Variants in CNTNAP5 observed in about 807,000 individuals in gnomAD.
CNTNAP5 encodes the protein contactin associated protein family member 5, also known as contactin-associated protein-like 5.
CNTNAP5 carries 72 observed loss-of-function variants against 150.2 expected under a neutral mutation model. The observed-to-expected ratio is 0.48, with a 90% CI of 0.40 to 0.58. The LOEUF is 0.58. Ranked by LOEUF, CNTNAP5 falls within the 20% of genes least tolerant of loss-of-function variation. The pLI, the probability that CNTNAP5 is intolerant of heterozygous loss-of-function variation, is 0.00. For missense variants in CNTNAP5, 1,636 were observed against 1,626.2 expected (o/e 1.01, Z -0.10); for synonymous variants, 672 against 619.8 (o/e 1.08, Z -1.25).
intron 12 of CNTNAP5, among the ~76,000 whole-genome samples, chr2:124,635,921 AG>A (rs1677960642): frequency 6.6e-6 from 1 of 152,226 alleles, no homozygotes; most frequent in Non-Finnish European, 1.5e-5. Flanking sequence ...TGTAAAGAGA[AG>A]CAAGTAGGAG....
chr2:124,529,386 A>C (rs1462126138), intron 10 of CNTNAP5, among the ~76,000 whole-genome samples: 1 of 152,084 alleles, frequency 6.6e-6, no homozygotes, highest in Non-Finnish European at 1.5e-5. Context: ...AGTTTTGTGT[A>C]ATTGTAGTCT....
intron 13 of CNTNAP5, among the ~76,000 whole-genome samples, chr2:124,662,698 C>A (rs1453492837): frequency 1.3e-5 from 2 of 152,134 alleles, no homozygotes; most frequent in East Asian, 3.9e-4. Flanking sequence ...GATCAGGAGA[C>A]CTTGAGTCCA....
chr2:124,034,490 C>T (rs1343503709), intron 1 of CNTNAP5, among the ~76,000 whole-genome samples: 3 of 152,164 alleles, frequency 2.0e-5, no homozygotes, highest in African/African-American at 7.2e-5. Context: ...AGTCTACCTT[C>T]ACCTGGCAGA....
chr2:124,747,566 T>C (rs1680632248), intron 14 of CNTNAP5, among the ~76,000 whole-genome samples, 181 bp downstream of exon 14: 1 of 151,826 alleles, frequency 6.6e-6, no homozygotes, highest in African/African-American at 2.4e-5. Context: ...TGACAACTTA[T>C]GTTTGGTACA....
At chr2:124,539,017 G>A (rs765684632) in intron 10 of CNTNAP5, among the ~76,000 whole-genome samples, 19 of 152,102 alleles carry the variant, frequency 1.2e-4, no homozygotes, top group Non-Finnish European at 2.6e-4. Flanking sequence ...CCCTTGAGGC[G>A]AAGCACCTGA....
At chr2:124,679,492 G>T (rs1679016967) in intron 13 of CNTNAP5, among the ~76,000 whole-genome samples, 1 of 151,704 alleles carries the variant, frequency 6.6e-6, no homozygotes, top group Non-Finnish European at 1.5e-5. Flanking sequence ...GGAAACTGAG[G>T]CGCTTTTTCC....
At chr2:124,696,762 C>T (rs1679414307) in intron 13 of CNTNAP5, among the ~76,000 whole-genome samples, 1 of 152,140 alleles carries the variant, frequency 6.6e-6, no homozygotes, top group Non-Finnish European at 1.5e-5. Context: ...AACGTATGCC[C>T]AGTCCTGACA....
chr2:124,641,359 G>A (rs896793287), intron 12 of CNTNAP5, among the ~76,000 whole-genome samples: 4 of 152,016 alleles, frequency 2.6e-5, no homozygotes, highest in African/African-American at 9.7e-5. Flanking sequence ...CCCTAATGAT[G>A]ACAAAGCTCA....
At chr2:124,170,278 G>T (rs764338071) in intron 1 of CNTNAP5, among the ~76,000 whole-genome samples, 20 of 151,796 alleles carry the variant, frequency 1.3e-4, no homozygotes, top group South Asian at 4.2e-4. Context: ...TTCCTGAAAG[G>T]GCATTGGGTT....
chr2:124,461,539 AGG>A (rs1485810794), intron 6 of CNTNAP5, among the ~76,000 whole-genome samples: 2 of 26,178 alleles, frequency 7.6e-5, no homozygotes, highest in East Asian at 1.2e-3. Flanking sequence ...GGGTGGGGGG[AGG>A]GGGGAGGGAT....
chr2:124,349,826 C>T (rs1689828522), intron 3 of CNTNAP5, among the ~76,000 whole-genome samples: 1 of 146,936 alleles, frequency 6.8e-6, no homozygotes, highest in Non-Finnish European at 1.5e-5. Context: ...CCATCTTGCT[C>T]ATTCATCTAT....
At chr2:124,346,905 T>C (rs554703698) in intron 3 of CNTNAP5, among the ~76,000 whole-genome samples, 4 of 89,998 alleles carry the variant, frequency 4.4e-5, no homozygotes, top group Non-Finnish European at 9.1e-5. Context: ...ACCTCGTCTC[T>C]ATTAAAAATA....
chr2:124,592,977 A>C lies in CNTNAP5; in HGVS notation c.1757-16824A>C, dbSNP rs1422311007. 2.6e-5 allele frequency among the ~76,000 whole-genome samples: 4 copies of C among 151,680 alleles called. No individual in the cohort carries two copies. In the East Asian group the frequency reaches 7.7e-4, roughly 29 times the overall value. Reference sequence around the variant, plus strand: ...TTTTAATTTATTTTGAATATTAGGAAATTTATCTATATTTTTGTTCATTGC... The same window carrying C: ...TTTTAATTTATTTTGAATATTAGGACATTTATCTATATTTTTGTTCATTGC... On this transcript the variant is annotated intron_variant, in intron 11 of 23. Transcript: ENST00000682447.
In CNTNAP5 at chr2:124,795,908, G is replaced by T. The variant is rs1573622796; in HGVS notation, c.2993-2188G>T. Among the ~76,000 whole-genome samples, 3 of 152,032 alleles carry T rather than the reference G, an allele frequency of 2.0e-5. No individual in the cohort carries two copies. The East Asian group carries it at 5.8e-4, about 29-fold the overall frequency. ...ACCAAGTGGATGCTCAAGGGGTGTT[G>T]TTGATAGTGGCTCGGTGGCCTTGGA... On this transcript the variant is annotated intron_variant, in intron 18 of 23. Transcript: ENST00000682447.
chr2:124,606,901 G>A (rs1397055347), intron 11 of CNTNAP5, among the ~76,000 whole-genome samples: 1 of 152,122 alleles, frequency 6.6e-6, no homozygotes, highest in African/African-American at 2.4e-5. Flanking sequence ...AGATTTGGAT[G>A]AGGACACAGC....
At chr2:124,602,499 GT>G (rs1697009781) in intron 11 of CNTNAP5, among the ~76,000 whole-genome samples, 1 of 151,544 alleles carries the variant, frequency 6.6e-6, no homozygotes, top group African/African-American at 2.4e-5. Flanking sequence ...GTTTGTTTGT[GT>G]TTTTTTAAAC....
chr2:124,446,701 C>T (rs1305473868), intron 5 of CNTNAP5, 52 bp from the exon 6 acceptor site: 1 of 1,569,084 alleles, frequency 6.4e-7, no homozygotes, highest in African/African-American at 1.4e-5. Flanking sequence ...TTCTGGTGTG[C>T]AAAGCTGCCC....
rs538625524 is a variant in CNTNAP5, at chr2:124,446,896, C to T, written c.877C>T (p.Arg293Cys). ...FTVDKHTQHF[R>C]TKGETDALDI... ...GGTGGACAAGCACACACAGCACTTC[C>T]GCACCAAGGGCGAGACGGATGCCTT... The change falls in exon 6 of 24, where the codon CGC becomes TGC. Residue 293 changes from arginine (R) to cysteine (C), a missense_variant. Transcript: ENST00000682447. 2.6e-5 allele frequency: 42 copies of T among 1,613,872 alleles called. No homozygotes were observed. In the Admixed American group the frequency reaches 4.3e-4, roughly 17 times the overall value.
At chr2:124,420,078 C>T (rs1318894749) in intron 4 of CNTNAP5, among the ~76,000 whole-genome samples, 1 of 149,246 alleles carries the variant, frequency 6.7e-6, no homozygotes, top group Non-Finnish European at 1.5e-5. Context: ...GCAACCTCCG[C>T]CTCCTGAGTT....
Sources: allele counts gnomAD v4.1 joint callset (sites outside exome capture counted in the v4.1 genomes callset), GRCh38; gene constraint gnomAD v4.1.1; transcripts MANE v1.5; gene names NCBI Gene and HGNC (gene_info 2026-07-23, HGNC 2026-07-21).